The following SRRM4 variants were observed in gnomAD, a reference collection of about 807,000 sequenced individuals.
SRRM4 encodes serine/arginine repetitive matrix protein 4.
Under a neutral mutation model 68.9 loss-of-function variants are expected in SRRM4, and 33 were observed. The ratio of observed to expected loss-of-function variants is 0.48; its 90% confidence interval spans 0.36 to 0.64. The LOEUF is 0.64. Among genes scored for constraint, SRRM4 ranks in the 30% least tolerant of loss-of-function variants. The probability of loss-of-function intolerance (pLI) is 0.00; values close to 1 mark genes in which losing one functional copy is unlikely to be tolerated. For missense variants in SRRM4, 817 were observed against 827.1 expected, an observed-to-expected ratio of 0.99 and a Z score of 0.15; for synonymous variants, 318 against 318.8, an observed-to-expected ratio of 1.00 and a Z score of 0.03.
At chr12:119,079,052 C>T (rs187851162) in intron 1 of SRRM4, among the ~76,000 whole-genome samples, 145 of 152,324 alleles carry the variant, frequency 9.5e-4, no homozygotes, top group African/African-American at 3.4e-3. Context: ...GGGCTGCACA[C>T]CCAGCCAGGT....
At chr12:119,054,913 G>T (rs1209946378) in intron 1 of SRRM4, among the ~76,000 whole-genome samples, 2 of 152,112 alleles carry the variant, frequency 1.3e-5, no homozygotes, top group Non-Finnish European at 2.9e-5. Flanking sequence ...AGTCTCACTG[G>T]CTCTGGTTGT....
At chr12:119,095,680 C>T (rs906888850) in intron 1 of SRRM4, among the ~76,000 whole-genome samples, 2 of 152,100 alleles carry the variant, frequency 1.3e-5, no homozygotes, top group South Asian at 2.1e-4. Flanking sequence ...TCAGGCCAAA[C>T]CTTGAGATAC....
intron 1 of SRRM4, among the ~76,000 whole-genome samples, chr12:119,013,246 G>A (rs1358242575): frequency 7.8e-6 from 1 of 127,876 alleles, no homozygotes; most frequent in Non-Finnish European, 1.7e-5. Flanking sequence ...CAAATCTGTA[G>A]CATTTCCAGT....
At chr12:118,984,133 G>A (rs1184975476) in intron 1 of SRRM4, among the ~76,000 whole-genome samples, 1 of 152,142 alleles carries the variant, frequency 6.6e-6, no homozygotes, top group African/African-American at 2.4e-5. Context: ...GGGAACATTT[G>A]TTTCCAAGTC....
At chr12:119,086,642 T>A (rs1176293896) in intron 1 of SRRM4, among the ~76,000 whole-genome samples, 1 of 152,196 alleles carries the variant, frequency 6.6e-6, no homozygotes, top group Non-Finnish European at 1.5e-5. Context: ...GCAGGGCCCC[T>A]TCATGGGGAA....
intron 1 of SRRM4, among the ~76,000 whole-genome samples, chr12:119,009,813 C>T (rs1453002485): frequency 1.3e-5 from 2 of 152,136 alleles, no homozygotes; most frequent in South Asian, 2.1e-4. Flanking sequence ...AACAAGGGAA[C>T]CAACTAACTA....
At chr12:119,126,006 A>C (rs1954256863) in intron 7 of SRRM4, among the ~76,000 whole-genome samples, 2 of 141,864 alleles carry the variant, frequency 1.4e-5, no homozygotes, top group Admixed American at 7.2e-5. Flanking sequence ...ACAACACCAT[A>C]CTAGCTGCTT....
Position 119,156,739 on chromosome 12 carries a change from A to G in SRRM4, c.1777A>G (p.Ser593Gly), listed in dbSNP as rs766166646. Reference protein sequence around the residue: ...SRSRSRSRSRSRSQSRSYSSA... With the variant: ...SRSRSRSRSRGRSQSRSYSSA... ...GAGCAGGAGCCGGAGCCGGAGCCGG[A>G]GCAGGAGCCAGAGCCGGAGCTACAG... The change falls in exon 13 of 13, where the codon AGC (serine) becomes GGC (glycine). Residue 593 changes from serine (S) to glycine (G), a missense_variant. Coordinates refer to ENST00000267260, the MANE Select transcript of SRRM4 (RefSeq NM_194286.4). 1.3e-6 allele frequency: 2 copies of G among 1,546,536 alleles called. No individual in the cohort carries two copies. The highest frequency in any genetic ancestry group is 2.4e-5 in the South Asian group (2 of 83,928).
chr12:118,983,697 G>T (rs1953264506), intron 1 of SRRM4, among the ~76,000 whole-genome samples: 1 of 152,112 alleles, frequency 6.6e-6, no homozygotes, highest in Non-Finnish European at 1.5e-5. Context: ...CGGATTCTTG[G>T]TGGTGTTTTG....
chr12:119,126,313 C>T (rs991467131), intron 7 of SRRM4, among the ~76,000 whole-genome samples: 6 of 152,038 alleles, frequency 3.9e-5, no homozygotes, highest in African/African-American at 1.2e-4. Flanking sequence ...TGTGAGCCAC[C>T]GCCCCCAGCT....
intron 1 of SRRM4, among the ~76,000 whole-genome samples, chr12:119,092,624 T>C (rs1472939589): frequency 1.3e-5 from 2 of 152,108 alleles, no homozygotes; most frequent in African/African-American, 4.8e-5. Flanking sequence ...TGGCCACCTC[T>C]CATCACTACT....
At chr12:119,103,957 C>T (rs1954092162) in intron 2 of SRRM4, among the ~76,000 whole-genome samples, 2 of 152,154 alleles carry the variant, frequency 1.3e-5, no homozygotes, top group African/African-American at 4.8e-5. Context: ...GAGCCGAGAT[C>T]GCACCACAGC....
intron 1 of SRRM4, among the ~76,000 whole-genome samples, chr12:118,999,618 G>C (rs1953371765): frequency 1.3e-5 from 2 of 152,172 alleles, no homozygotes; most frequent in Non-Finnish European, 2.9e-5. Context: ...TAACAACAGT[G>C]TATGTTAGGC....
chr12:119,079,890 G>GTTT lies in SRRM4; in HGVS notation c.132-22338_132-22336dup, dbSNP rs5801315. 3.8e-3 allele frequency among the ~76,000 whole-genome samples: 571 copies of GTTT among 150,502 alleles called. 1 individual carries two copies. The highest frequency in any genetic ancestry group is 6.8e-3 in the Middle Eastern group (2 of 292). ...CGTATATGAAATGAAATATTCTGAA[G>GTTT]TTTTTTTTTTCAGCCAGTGATTGGG... On this transcript the variant is annotated intron_variant, in intron 1 of 12. Coordinates refer to ENST00000267260, the MANE Select transcript of SRRM4 (RefSeq NM_194286.4).
At chr12:119,020,256 A>G (rs1348048951) in intron 1 of SRRM4, among the ~76,000 whole-genome samples, 1 of 151,816 alleles carries the variant, frequency 6.6e-6, no homozygotes, top group Non-Finnish European at 1.5e-5. Context: ...GGGAAGTCAC[A>G]CTCTCAAGGT....
chr12:119,022,680 A>ATCACATATATCTCAAACTGAGCATGG (rs1229659015), intron 1 of SRRM4, among the ~76,000 whole-genome samples: 1 of 152,250 alleles, frequency 6.6e-6, no homozygotes, highest in African/African-American at 2.4e-5. Context: ...TCTCAGCATT[A>ATCACATATATCTCAAACTGAGCATGG]TCACATATAT....
chr12:119,058,039 G>T (rs1458373723), intron 1 of SRRM4, among the ~76,000 whole-genome samples: 6 of 152,202 alleles, frequency 3.9e-5, no homozygotes, highest in Non-Finnish European at 5.9e-5. Flanking sequence ...CACTGGGAAA[G>T]AAGATGGGGA....
intron 1 of SRRM4, among the ~76,000 whole-genome samples, chr12:119,048,347 T>G (rs1158613384): frequency 6.6e-6 from 1 of 152,168 alleles, no homozygotes; most frequent in Non-Finnish European, 1.5e-5. Flanking sequence ...CCTTTCTTCT[T>G]TTTCCTAAAA....
intron 1 of SRRM4, among the ~76,000 whole-genome samples, chr12:119,096,160 A>G (rs111659660): frequency 0.029 from 4,271 of 148,874 alleles, 212 homozygotes; most frequent in African/African-American, 0.1. Context: ...AGCTGGGAGT[A>G]CAGGTGCCCG....
Sources: allele counts gnomAD v4.1 joint callset (sites outside exome capture counted in the v4.1 genomes callset), GRCh38; gene constraint gnomAD v4.1.1; transcripts MANE v1.5; gene names NCBI Gene and HGNC (gene_info 2026-07-23, HGNC 2026-07-21).